The following BTBD16 variants were observed in gnomAD, a reference collection of about 807,000 sequenced individuals.
BTBD16 encodes BTB domain containing 16.
BTBD16 carries 66 observed loss-of-function variants against 67.4 expected under a neutral mutation model. The observed-to-expected ratio is 0.98, with a 90% confidence interval of 0.80 to 1.20. The LOEUF is 1.20. BTBD16 is among the 50% of genes most tolerant of loss of function. The pLI, the probability that BTBD16 is intolerant of heterozygous loss-of-function variation, is 0.00. For synonymous variants in BTBD16, 242 were observed against 236.4 expected (o/e 1.02, Z -0.22); for missense variants, 634 against 616.0 (o/e 1.03, Z -0.31).
chr10:122,312,149 T>C (rs2096414802), intron 10 of BTBD16, among the ~76,000 whole-genome samples: 1 of 152,196 alleles, frequency 6.6e-6, no homozygotes, highest in African/African-American at 2.4e-5. Flanking sequence ...TACTATGTCA[T>C]AGGGTATGGA....
In BTBD16 at chr10:122,286,105, A is replaced by T. The variant is rs2096363169; in HGVS notation, c.242A>T (p.Asp81Val). 6.2e-7 allele frequency: 1 copy of T among 1,612,834 alleles called. No homozygotes were observed. The change falls in exon 5 of 16, where the codon GAT becomes GTT. Residue 81 changes from aspartate to valine, a missense_variant and splice_region_variant. Transcript: ENST00000260723. Reference sequence around the variant, plus strand: ...GCTCAGCATCATTTTCTGTCCTCAGATGTGATTCTCGAGTGCCTGGGCTTC... The same window carrying T: ...GCTCAGCATCATTTTCTGTCCTCAGTTGTGATTCTCGAGTGCCTGGGCTTC... The part of the protein sequence containing the change: ...KNKDIQSGEA[D>V]VILECLGFKW...
chr10:122,309,182 A>C (rs1232801085), intron 10 of BTBD16, among the ~76,000 whole-genome samples: 1 of 152,088 alleles, frequency 6.6e-6, no homozygotes, highest in Non-Finnish European at 1.5e-5. Flanking sequence ...GTTGGAGTAC[A>C]GTGGCGTGAT....
intron 10 of BTBD16, among the ~76,000 whole-genome samples, chr10:122,329,277 C>A (rs1192978607): frequency 6.6e-6 from 1 of 152,156 alleles, no homozygotes; most frequent in Non-Finnish European, 1.5e-5. Context: ...GTCTCCATTA[C>A]CATCTCTGGG....
At chr10:122,308,392 C>T (rs553424066) in intron 10 of BTBD16, among the ~76,000 whole-genome samples, 12 of 152,154 alleles carry the variant, frequency 7.9e-5, no homozygotes, top group Non-Finnish European at 1.5e-4. Flanking sequence ...TTCGAATCTA[C>T]GTTGATTTGT....
chr10:122,306,908 A>G (rs953230193), intron 9 of BTBD16, among the ~76,000 whole-genome samples: 1 of 152,252 alleles, frequency 6.6e-6, no homozygotes, highest in Non-Finnish European at 1.5e-5. Context: ...CACCTGGCAC[A>G]TAGTAAGAGC....
At chr10:122,294,572 A>G (rs1216962557) in intron 7 of BTBD16, among the ~76,000 whole-genome samples, 2 of 152,232 alleles carry the variant, frequency 1.3e-5, no homozygotes, top group Admixed American at 1.3e-4. Context: ...GCTCACACAC[A>G]TACACATGGA....
chr10:122,334,534 T>G, intron 13 of BTBD16, among the ~76,000 whole-genome samples: 1 of 101,778 alleles, frequency 9.8e-6, no homozygotes, highest in African/African-American at 4.1e-5. Flanking sequence ...TGAGATAGAG[T>G]CTTACTCTGT....
At chr10:122,285,916 C>T (rs1386745916) in intron 4 of BTBD16, among the ~76,000 whole-genome samples, 189 bp from the exon 5 acceptor site, 2 of 151,592 alleles carry the variant, frequency 1.3e-5, no homozygotes, top group Non-Finnish European at 2.9e-5. Flanking sequence ...TTTGGTGTCC[C>T]CCTCAAAGCC....
chr10:122,312,319 T>C (rs899164983), intron 10 of BTBD16, among the ~76,000 whole-genome samples: 2 of 140,536 alleles, frequency 1.4e-5, no homozygotes, highest in African/African-American at 2.7e-5. Flanking sequence ...CTTTTTTTTT[T>C]TTTTTTTTTT....
At chr10:122,334,852 C>A in intron 13 of BTBD16, 29 bp from the exon 14 acceptor site, 1 of 1,365,746 alleles carries the variant, frequency 7.3e-7, no homozygotes, top group Non-Finnish European at 1.0e-6. Flanking sequence ...TTCCCCCCTT[C>A]ACTTTGTTGT....
intron 10 of BTBD16, among the ~76,000 whole-genome samples, chr10:122,322,636 C>T (rs186139187): frequency 8.5e-5 from 13 of 152,238 alleles, no homozygotes; most frequent in East Asian, 1.9e-4. Flanking sequence ...TTGGAATCCA[C>T]GGTGATTTAT....
At chr10:122,320,618 C>G (rs975863724) in intron 10 of BTBD16, among the ~76,000 whole-genome samples, 2 of 151,966 alleles carry the variant, frequency 1.3e-5, no homozygotes, top group African/African-American at 2.4e-5. Flanking sequence ...CCTTTGAGTT[C>G]TTCTTTGACC....
At chr10:122,297,871 TG>T (rs746223983) in intron 8 of BTBD16, 34 bp downstream of exon 8, 21 of 1,605,636 alleles carry the variant, frequency 1.3e-5, no homozygotes, top group South Asian at 1.1e-4. Flanking sequence ...CATCGCCCCT[TG>T]GGGGGGCCTT....
intron 14 of BTBD16, 51 bp from the exon 15 acceptor site, chr10:122,336,443 C>G (rs1399928520): frequency 6.6e-7 from 1 of 1,504,688 alleles, no homozygotes; most frequent in Admixed American, 2.2e-5. Context: ...TTCCCTAACT[C>G]TGGGCCACCC....
In BTBD16 at chr10:122,291,060, G is replaced by T. The variant is rs11592545; in HGVS notation, c.476-20G>T. 1.9e-6 allele frequency: 3 copies of T among 1,602,774 alleles called. No individual in the cohort carries two copies. The Admixed American group carries it at 5.1e-5, about 27-fold the overall frequency. On this transcript the variant is annotated intron_variant, in intron 6 of 15. Transcript: ENST00000260723. ...GTGCAGAGCCCCACACAGATGGCTCGCTTGGCTGTGCCTCCCCAGCCTTCG... is the reference window on the plus strand; with the variant it reads ...GTGCAGAGCCCCACACAGATGGCTCTCTTGGCTGTGCCTCCCCAGCCTTCG...
At position 122,271,530 on chromosome 10, in the gene BTBD16, A is replaced by AT. The variant is rs1289968520; in HGVS notation, c.-43+21dup. ...CTTTGGAACGGTAAGTACAATGGGTATTTTTCAGCCACTTCAGAGACCAAG... is the reference window on the plus strand; with the variant it reads ...CTTTGGAACGGTAAGTACAATGGGTATTTTTTCAGCCACTTCAGAGACCAAG... On this transcript the variant is annotated intron_variant, in intron 1 of 15. Transcript: ENST00000260723. The AT allele has an allele frequency of 2.6e-5, 4 of 152,272 alleles. No individual in the cohort carries two copies. Among genetic ancestry groups the AT allele is most frequent in the Non-Finnish European group, 1.5e-5 (1 of 68,130 alleles). 9.4% of individuals were successfully genotyped at this position (152,272 alleles called of 1,614,324 possible). A position where few individuals can be genotyped will look rare whatever the true frequency, so the allele number is the denominator to read the frequency against.
chr10:122,281,035 G>A (rs886390897), intron 3 of BTBD16, among the ~76,000 whole-genome samples: 1 of 151,932 alleles, frequency 6.6e-6, no homozygotes, highest in African/African-American at 2.4e-5. Context: ...TCAAACTCCC[G>A]GGCTCAAGTG....
At chr10:122,297,964 A>AT (rs2096386693) in intron 8 of BTBD16, 127 bp downstream of exon 8, 2 of 777,830 alleles carry the variant, frequency 2.6e-6, no homozygotes, top group Admixed American at 2.8e-5. Context: ...CAAATATTTT[A>AT]TTTTGCCACA....
At chr10:122,314,418 C>A (rs1047946738) in intron 10 of BTBD16, among the ~76,000 whole-genome samples, 12 of 152,134 alleles carry the variant, frequency 7.9e-5, no homozygotes, top group African/African-American at 2.7e-4. Flanking sequence ...GCAGGAGGAT[C>A]ACTTGAGCCT....
Sources: allele counts gnomAD v4.1 joint callset (sites outside exome capture counted in the v4.1 genomes callset), GRCh38; gene constraint gnomAD v4.1.1; transcripts MANE v1.5; gene names NCBI Gene and HGNC (gene_info 2026-07-23, HGNC 2026-07-21).